Variants in ASB2 observed in about 807,000 individuals in gnomAD.
The protein encoded by ASB2 is ankyrin repeat and SOCS box protein 2.
ASB2 carries 58 observed loss-of-function variants against 62.4 expected under a neutral mutation model. That is an observed-to-expected ratio of 0.93 (90% confidence interval 0.75 to 1.16). The LOEUF (loss-of-function observed/expected upper bound fraction) is 1.16, where lower values mean the gene tolerates loss of function less well. Among genes scored for constraint, ASB2 ranks in the 50% most tolerant of loss-of-function variants. The pLI is 0.00. For synonymous variants in ASB2, 386 were observed against 385.3 expected (o/e 1.00, Z -0.02); for missense variants, 928 against 887.9 (o/e 1.05, Z -0.57).
intron 4 of ASB2, among the ~76,000 whole-genome samples, chr14:93,953,832 G>T (rs539484776): frequency 1.6e-4 from 25 of 152,298 alleles, no homozygotes; most frequent in Middle Eastern, 3.4e-3. Flanking sequence ...GAGTGTCGGG[G>T]GCCGTGTGGG....
In ASB2 at chr14:93,951,218, C is replaced by T. The variant is rs200411978; in HGVS notation, c.661G>A (p.Val221Met). 131 of 1,606,714 alleles carry T rather than the reference C, an allele frequency of 8.2e-5. No homozygotes were observed. Among genetic ancestry groups the T allele is most frequent in the Non-Finnish European group, 9.9e-5 (116 of 1,176,748 alleles). Residue 221 changes from valine (V) to methionine (M), a missense_variant, in exon 6 of 10, where the codon GTG (valine) becomes ATG (methionine). Physicochemically the swap from Val to Met is conservative, Grantham distance 21. Transcript: ENST00000555019. ...KACERKNAEA[V>M]KILVQHNADT... ...GCATTGTGCTGCACCAGAATCTTCA[C>T]GGCCTCCGCGTTCTTGCGCTCGCAG...
At chr14:93,963,372 A>G (rs979740949) in intron 2 of ASB2, among the ~76,000 whole-genome samples, 27 of 149,468 alleles carry the variant, frequency 1.8e-4, no homozygotes, top group African/African-American at 6.7e-4. Context: ...ATTCATGCCC[A>G]AACACACTTG....
intron 6 of ASB2, among the ~76,000 whole-genome samples, chr14:93,949,340 T>G (rs1888861762): frequency 6.6e-6 from 1 of 152,270 alleles, no homozygotes; most frequent in Admixed American, 6.5e-5. Context: ...GGCATCTGTT[T>G]CATGGCTCAC....
intron 2 of ASB2, among the ~76,000 whole-genome samples, chr14:93,957,710 T>C (rs1889276260): frequency 6.6e-6 from 1 of 152,200 alleles, no homozygotes. Flanking sequence ...TTTGCCTCTC[T>C]AGGCCTCAGT....
At chr14:93,961,013 C>T (rs1889391602) in intron 2 of ASB2, among the ~76,000 whole-genome samples, 1 of 151,716 alleles carries the variant, frequency 6.6e-6, no homozygotes, top group Non-Finnish European at 1.5e-5. Context: ...TCTCTGTCCC[C>T]TAGGAGGTCA....
chr14:93,970,915 A>G (rs1329710242), intron 1 of ASB2, among the ~76,000 whole-genome samples: 1 of 152,244 alleles, frequency 6.6e-6, no homozygotes, highest in Admixed American at 6.5e-5. Context: ...CACCTGGCAC[A>G]CAGCCGGTGG....
Position 93,951,805 on chromosome 14 carries a change from TC to T in ASB2, c.635-562del, listed in dbSNP as rs766736795. Among the ~76,000 whole-genome samples, 12 of 152,168 alleles carry T rather than the reference TC, an allele frequency of 7.9e-5. No individual in the cohort carries two copies. In the South Asian group the frequency reaches 1.2e-3, roughly 16 times the overall value. On this transcript the variant is annotated intron_variant, in intron 5 of 9. Coordinates refer to ENST00000555019, the MANE Select transcript of ASB2 (RefSeq NM_001202429.2). ...AGCGGTGTCATAATCCTGCTGAACT[TC>T]CCCCTGCTCCAGCAAAGGCTACTAA...
intron 5 of ASB2, among the ~76,000 whole-genome samples, chr14:93,951,881 C>T (rs1380698050): frequency 6.6e-6 from 1 of 152,258 alleles, no homozygotes; most frequent in Non-Finnish European, 1.5e-5. Flanking sequence ...TCAAGTCTTT[C>T]TTGACCTGCT....
intron 1 of ASB2, among the ~76,000 whole-genome samples, chr14:93,966,478 C>G (rs544335013): frequency 4.0e-4 from 61 of 152,322 alleles, no homozygotes; most frequent in African/African-American, 1.4e-3. Flanking sequence ...CTGCTTAGTG[C>G]TTGGAGGACT....
intron 9 of ASB2, 108 bp from the exon 10 acceptor site, chr14:93,934,900 AAG>A: frequency 3.3e-6 from 3 of 912,250 alleles, no homozygotes; most frequent in Non-Finnish European, 5.3e-6. Flanking sequence ...GTGGCTGGGT[AAG>A]AGAGGGAGTG....
Position 93,956,988 on chromosome 14 carries a change from C to CAG in ASB2, c.207-119_207-118insCT, listed in dbSNP as rs1889246074. 1.9e-6 allele frequency: 3 copies of CAG among 1,564,140 alleles called. No homozygotes were observed. In the African/African-American group the frequency reaches 4.1e-5, roughly 21 times the overall value. ...AGCCAGGGAGAGACTGACTGACAGA[C>CAG]ACAGGGCTCTGAACCAAAGCAGATG... is the stretch of plus-strand genomic sequence containing the variant. On this transcript the variant is annotated intron_variant, in intron 2 of 9. Transcript: ENST00000555019.
intron 1 of ASB2, among the ~76,000 whole-genome samples, chr14:93,970,317 G>A (rs1271100308): frequency 6.6e-6 from 1 of 152,202 alleles, no homozygotes; most frequent in Non-Finnish European, 1.5e-5. Context: ...TCGGACATGT[G>A]AGGCTGCACA....
intron 1 of ASB2, among the ~76,000 whole-genome samples, chr14:93,965,047 C>T (rs1392008830): frequency 5.3e-5 from 8 of 152,160 alleles, no homozygotes; most frequent in Admixed American, 2.6e-4. Flanking sequence ...TCTTTCTATC[C>T]GTCCAACCAT....
At chr14:93,960,980 T>TAAACAAACAAAC (rs1247526535) in intron 2 of ASB2, among the ~76,000 whole-genome samples, 1 of 143,434 alleles carries the variant, frequency 7.0e-6, no homozygotes, top group African/African-American at 2.8e-5. Flanking sequence ...AATAAATAAA[T>TAAACAAACAAAC]AAATAAACAG....
rs1450963928 is a variant in ASB2, at chr14:93,951,088, AC to A, written c.790del (p.Val264TrpfsTer24). 6.2e-7 allele frequency: 1 copy of A among 1,614,152 alleles called. No homozygotes were observed. Among genetic ancestry groups the A allele is most frequent in the Non-Finnish European group, 8.5e-7 (1 of 1,180,040 alleles). On this transcript the variant is annotated frameshift_variant, in exon 6 of 10. Transcript: ENST00000555019. LOFTEE classifies it high-confidence loss of function. ...GATGCCGTAGGCGTTCTTGGATTCC[AC>A]CTTGGCTCCTCCGCTCACCAGGATC... Reference protein sequence around the residue: ...MQILVSGGAKVESKNAYGITP... With the variant: ...MQILVSGGAKXESKNAYGITP...
chr14:93,971,377 T>C (rs948982599), intron 1 of ASB2, among the ~76,000 whole-genome samples: 1 of 152,194 alleles, frequency 6.6e-6, no homozygotes, highest in African/African-American at 2.4e-5. Context: ...CCTGTCCCCC[T>C]GCCCTCTCTG....
chr14:93,969,386 G>A (rs576338543), intron 1 of ASB2, among the ~76,000 whole-genome samples: 6 of 152,316 alleles, frequency 3.9e-5, no homozygotes, highest in Admixed American at 6.5e-5. Flanking sequence ...GTTGTTAGCC[G>A]GGAGAGCCTC....
chr14:93,951,107 C>T lies in ASB2; in HGVS notation c.772G>A (p.Val258Met). Residue 258 changes from valine (V) to methionine (M), a missense_variant, in exon 6 of 10, where the codon GTG (valine) becomes ATG (methionine). Val to Met is a conservative substitution (Grantham distance 21, BLOSUM62 1). Transcript: ENST00000555019. ...RNDLEVMQIL[V>M]SGGAKVESKN... is the part of the protein sequence containing the mutation. ...GATTCCACCTTGGCTCCTCCGCTCA[C>T]CAGGATCTGCATGACCTCCAGGTCA... The T allele has an allele frequency of 6.2e-7, 1 of 1,614,228 alleles. No individual in the cohort carries two copies.
chr14:93,961,183 A>G (rs1268858382), intron 2 of ASB2, among the ~76,000 whole-genome samples: 1 of 152,144 alleles, frequency 6.6e-6, no homozygotes, highest in Non-Finnish European at 1.5e-5. Flanking sequence ...CGCCCACCTC[A>G]TCTTATTTGC....
Sources: gnomAD v4.1 joint callset for allele counts (sites outside exome capture counted in the v4.1 genomes callset) on GRCh38, gnomAD v4.1.1 for gene constraint, MANE v1.5 for transcripts, NCBI Gene and HGNC (gene_info 2026-07-23, HGNC 2026-07-21) for gene names.